UNC93A: variants seen among roughly 807,000 people sequenced by gnomAD.
UNC93A encodes N-acetylglucosamine transporter UNC93A.
A neutral mutation model predicts 47.5 loss-of-function variants in UNC93A; 43 were observed. That is an observed-to-expected ratio of 0.91 (90% CI 0.71 to 1.17). UNC93A has a LOEUF of 1.17. Among genes scored for constraint, UNC93A ranks in the 50% most tolerant of loss-of-function variants. UNC93A has a pLI of 0.00. For missense variants in UNC93A, 605 were observed against 577.6 expected (o/e 1.05, Z -0.49); for synonymous variants, 280 against 258.0 (o/e 1.09, Z -0.82).
intron 7 of UNC93A, 128 bp from the exon 8 acceptor site, chr6:167,315,059 G>C: frequency 7.3e-7 from 1 of 1,362,262 alleles, no homozygotes; most frequent in Non-Finnish European, 9.9e-7. Flanking sequence ...AAATCATTCT[G>C]TTGTGAAAAA....
intron 1 of UNC93A, among the ~76,000 whole-genome samples, chr6:167,293,741 G>A (rs566680401): frequency 2.7e-3 from 412 of 152,272 alleles, no homozygotes; most frequent in Non-Finnish European, 4.0e-3. Context: ...AGGTCCCCTC[G>A]TCCAAGGACA....
intron 5 of UNC93A, among the ~76,000 whole-genome samples, 154 bp from the exon 6 acceptor site, chr6:167,305,761 C>T (rs1778367792): frequency 6.6e-6 from 1 of 152,188 alleles, no homozygotes; most frequent in African/African-American, 2.4e-5. Flanking sequence ...AGCTTTTCTC[C>T]TGCATGGGAG....
intron 5 of UNC93A, 35 bp from the exon 6 acceptor site, chr6:167,305,880 G>T: frequency 6.2e-7 from 1 of 1,613,328 alleles, no homozygotes; most frequent in Non-Finnish European, 8.5e-7. Context: ...AGGCCTGGGA[G>T]CGTCCATGAC....
upstream of UNC93A, among the ~76,000 whole-genome samples, chr6:167,270,335 T>C (rs1386454886): frequency 6.6e-6 from 1 of 152,190 alleles, no homozygotes; most frequent in African/African-American, 2.4e-5. Context: ...TAATCACCGA[T>C]GCCATCTCTT....
intron 4 of UNC93A, among the ~76,000 whole-genome samples, chr6:167,300,814 C>T (rs1184969514): frequency 6.6e-6 from 1 of 152,190 alleles, no homozygotes; most frequent in South Asian, 2.1e-4. Flanking sequence ...CATCAGGTCT[C>T]CTTCCAGCTC....
At chr6:167,269,807 G>A (rs375259980), upstream of UNC93A, among the ~76,000 whole-genome samples, 25 of 152,070 alleles carry the variant, frequency 1.6e-4, no homozygotes, top group African/African-American at 5.8e-4. Flanking sequence ...AGTAGAGACA[G>A]GGTTTCACCG....
chr6:167,270,412 C>T (rs1425688001), upstream of UNC93A, among the ~76,000 whole-genome samples: 3 of 151,946 alleles, frequency 2.0e-5, no homozygotes, highest in African/African-American at 7.3e-5. Flanking sequence ...CAGAGGTGAA[C>T]AAGATGAGTG....
At position 167,281,479 on chromosome 6, in the gene UNC93A, G is replaced by A. The variant is rs568409456; in HGVS notation, c.-51-9960G>A. ...GCCAGGAGGCCTAGCAACAGAGCAG[G>A]ATTCTAACACTCACTCCCTGGCCTG... On this transcript the variant is annotated intron_variant, in intron 1 of 3. Transcript: ENST00000503433. 9.2e-5 allele frequency among the ~76,000 whole-genome samples: 14 copies of A among 152,328 alleles called. No individual in the cohort carries two copies. The South Asian group carries it at 2.9e-3, about 32-fold the overall frequency.
intron 1 of UNC93A, among the ~76,000 whole-genome samples, chr6:167,285,738 G>A (rs73262994): frequency 0.019 from 2,924 of 151,656 alleles, 122 homozygotes; most frequent in African/African-American, 0.067. Flanking sequence ...GAGGGTAGGT[G>A]GGGGGCTTAG....
rs1429202285 is a variant in UNC93A, at chr6:167,291,463, TG to T, written c.-25del. 6.2e-7 allele frequency: 1 copy of T among 1,603,430 alleles called. No individual in the cohort carries two copies. On this transcript the variant is annotated 5_prime_UTR_variant, in exon 1 of 8. An upstream open reading frame in the 5' UTR loses its in-frame stop. Coordinates refer to ENST00000230256, the MANE Select transcript of UNC93A (RefSeq NM_018974.4). ...GGGAGCTACAAATTTACGTGTTCAC[TG>T]GTGATTGATCTTTTCATCCAGCACA...
At chr6:167,307,328 A>G (rs1778424724) in intron 6 of UNC93A, among the ~76,000 whole-genome samples, 1 of 152,210 alleles carries the variant, frequency 6.6e-6, no homozygotes, top group South Asian at 2.1e-4. Context: ...CTCACAAATT[A>G]AATGTCAAGG....
chr6:167,304,455 T>C (rs1181976097), intron 5 of UNC93A, among the ~76,000 whole-genome samples: 1 of 152,214 alleles, frequency 6.6e-6, no homozygotes, highest in Non-Finnish European at 1.5e-5. Context: ...CACTCATCGG[T>C]GTTACCCCTG....
chr6:167,279,622 C>T (rs546641922), intron 1 of UNC93A, among the ~76,000 whole-genome samples: 4 of 152,234 alleles, frequency 2.6e-5, no homozygotes, highest in African/African-American at 9.6e-5. Context: ...TGAGAATGGG[C>T]TTCCGGGAAT....
intron 4 of UNC93A, among the ~76,000 whole-genome samples, chr6:167,300,467 G>T (rs1778211154): frequency 6.6e-6 from 1 of 152,120 alleles, no homozygotes; most frequent in African/African-American, 2.4e-5. Context: ...AGGAGGCTCA[G>T]GGGGGAGGCT....
In UNC93A at chr6:167,292,607, A is replaced by G. The variant is rs1368316118; in HGVS notation, c.87+1031A>G. On this transcript the variant is annotated intron_variant, in intron 1 of 7. Coordinates refer to ENST00000230256, the MANE Select transcript of UNC93A (RefSeq NM_018974.4). ...GAGGATAAAATGGCAGCCAACAGTG[A>G]CTCTCAAAGTCAAGTGGAAGGGAAC... Among the ~76,000 whole-genome samples the G allele has an allele frequency of 3.9e-5, 6 of 151,988 alleles. No homozygotes were observed. The South Asian group carries it at 1.2e-3, about 32-fold the overall frequency.
chr6:167,299,538 T>C (rs189213542), intron 4 of UNC93A, among the ~76,000 whole-genome samples: 17 of 152,304 alleles, frequency 1.1e-4, no homozygotes, highest in Non-Finnish European at 1.9e-4. Flanking sequence ...GACATTCAGA[T>C]GACTAGAAGC....
Position 167,305,917 on chromosome 6 carries a change from C to A in UNC93A, c.843C>A (p.Ser281=), listed in dbSNP as rs766063625. ...TGGCTCTGCACCCCTCTCCCCAGTC[C>A]TATGTCACCTGCACCCTGGGCATCC... ...QGFLSSEYTR[S]YVTCTLGIQF... Residue 281 remains serine, a splice_region_variant and synonymous_variant, in exon 6 of 8, where the codon TCC becomes TCA. Transcript: ENST00000230256. The A allele has an allele frequency of 3.1e-6, 5 of 1,614,188 alleles. No homozygotes were observed. Among genetic ancestry groups the A allele is most frequent in the Non-Finnish European group, 2.5e-6 (3 of 1,180,028 alleles).
upstream of UNC93A, among the ~76,000 whole-genome samples, chr6:167,271,001 C>T (rs766869571): frequency 1.3e-5 from 2 of 152,156 alleles, no homozygotes; most frequent in South Asian, 2.1e-4. Context: ...GCCACGTGGG[C>T]GGAGGCCTGG....
At chr6:167,303,689 GCAGGTTT>G in intron 4 of UNC93A, among the ~76,000 whole-genome samples, 2 of 152,176 alleles carry the variant, frequency 1.3e-5, no homozygotes, top group Middle Eastern at 6.8e-3. Flanking sequence ...ACCTATTGTG[GCAGGTTT>G]CATGTGAAAG....
Sources: gnomAD v4.1 joint callset for allele counts (sites outside exome capture counted in the v4.1 genomes callset) on GRCh38, gnomAD v4.1.1 for gene constraint, MANE v1.5 for transcripts, NCBI Gene and HGNC (gene_info 2026-07-23, HGNC 2026-07-21) for gene names.